The following AGBL4 variants were observed in gnomAD, a reference collection of about 807,000 sequenced individuals.
AGBL4 encodes the protein cytosolic carboxypeptidase 6.
Under a neutral mutation model 66.4 loss-of-function variants are expected in AGBL4, and 58 were observed. That is an observed-to-expected ratio of 0.87 (90% CI 0.71 to 1.09). The LOEUF is 1.09. AGBL4 is among the 50% of genes least tolerant of loss of function. The pLI, the probability that AGBL4 is intolerant of heterozygous loss-of-function variation, is 0.00. For synonymous variants in AGBL4, 234 were observed against 222.9 expected (o/e 1.05, Z -0.44); for missense variants, 579 against 631.0 (o/e 0.92, Z 0.88).
rs190260792 is a variant in AGBL4 at position 48,887,425 on chromosome 1, G to A, written c.595-20195C>T. 2.2e-4 allele frequency among the ~76,000 whole-genome samples: 33 copies of A among 152,192 alleles called. 1 individual carries two copies. The East Asian group carries it at 5.0e-3, about 23-fold the overall frequency. ...AGGCTCAGTGCAGTTTATTCCCACC[G>A]AAGAGGCAAGCACATGACAGGTAAG... On this transcript the variant is annotated intron_variant, in intron 5 of 13. Transcript: ENST00000371839.
intron 1 of AGBL4, chr1:49,995,185 T>G (rs553566102): frequency 2.0e-4 from 92 of 456,094 alleles, no homozygotes; most frequent in African/African-American, 1.8e-3. Context: ...GCACAGAAAC[T>G]GGGGCAGGTG....
intron 5 of AGBL4, among the ~76,000 whole-genome samples, chr1:48,995,840 C>G: frequency 6.6e-6 from 1 of 152,094 alleles, no homozygotes; most frequent in East Asian, 1.9e-4. Context: ...TGATAAGAAC[C>G]TTATTTGAAT....
At chr1:49,400,226 T>C (rs1645055621) in intron 3 of AGBL4, among the ~76,000 whole-genome samples, 1 of 152,180 alleles carries the variant, frequency 6.6e-6, no homozygotes, top group South Asian at 2.1e-4. Context: ...CTCTATTATG[T>C]TCCACTGGTC....
In AGBL4 at chr1:48,893,212, G is replaced by A. The variant is rs565766314; in HGVS notation, c.595-25982C>T. 6.0e-4 allele frequency among the ~76,000 whole-genome samples: 91 copies of A among 152,236 alleles called. 2 individuals carry two copies. The East Asian group carries it at 0.017, about 29-fold the overall frequency. ...ACAGAGGAGCTGGAGGTAGAGGAGA[G>A]AATCTACCAACCTAAAATGTACCCA... On this transcript the variant is annotated intron_variant, in intron 5 of 13. Coordinates refer to ENST00000371839, the MANE Select transcript of AGBL4 (RefSeq NM_032785.4).
intron 4 of AGBL4, among the ~76,000 whole-genome samples, chr1:49,109,615 TTAGAG>T (rs1479031020): frequency 6.6e-6 from 1 of 152,212 alleles, no homozygotes; most frequent in South Asian, 2.1e-4. Flanking sequence ...ACAAGCATTA[TTAGAG>T]TATTTTTTAC....
intron 4 of AGBL4, among the ~76,000 whole-genome samples, chr1:49,167,664 T>A (rs1403856545): frequency 1.3e-5 from 2 of 152,222 alleles, no homozygotes; most frequent in African/African-American, 4.8e-5. Flanking sequence ...TAAATCATTG[T>A]ATTCTAGGAA....
intron 2 of AGBL4, among the ~76,000 whole-genome samples, chr1:49,714,030 A>C (rs1240338340): frequency 6.6e-6 from 1 of 152,078 alleles, no homozygotes; most frequent in Non-Finnish European, 1.5e-5. Context: ...TTGCCAAATT[A>C]ACTTAATATA....
chr1:48,680,742 A>G (rs1255303775), intron 6 of AGBL4, among the ~76,000 whole-genome samples: 1 of 152,158 alleles, frequency 6.6e-6, no homozygotes, highest in Non-Finnish European at 1.5e-5. Flanking sequence ...ATGTTCGGAG[A>G]CTGTGGTGAG....
At chr1:49,803,377 TC>T (rs1379313208) in intron 2 of AGBL4, among the ~76,000 whole-genome samples, 29 of 152,190 alleles carry the variant, frequency 1.9e-4, no homozygotes, top group African/African-American at 7.0e-4. Context: ...TCTACTTTTG[TC>T]TCTACTGCTT....
At chr1:48,639,603 T>A (rs1645722661) in intron 8 of AGBL4, among the ~76,000 whole-genome samples, 1 of 152,146 alleles carries the variant, frequency 6.6e-6, no homozygotes, top group African/African-American at 2.4e-5. Context: ...AACAAAATAT[T>A]CGAGGAAAAG....
At chr1:48,778,909 C>G (rs12756339) in intron 6 of AGBL4, among the ~76,000 whole-genome samples, 5 of 152,088 alleles carry the variant, frequency 3.3e-5, no homozygotes, top group Non-Finnish European at 1.5e-5. Context: ...TTATGTGGTA[C>G]AGCCAAAAAT....
intron 5 of AGBL4, among the ~76,000 whole-genome samples, chr1:48,901,638 C>T (rs1652091283): frequency 2.0e-5 from 3 of 151,974 alleles, no homozygotes; most frequent in Admixed American, 2.0e-4. Context: ...TTGTATAATT[C>T]CATTTTTATA....
At chr1:48,892,729 G>C (rs1651093123) in intron 5 of AGBL4, among the ~76,000 whole-genome samples, 1 of 152,190 alleles carries the variant, frequency 6.6e-6, no homozygotes, top group Admixed American at 6.5e-5. Context: ...ACTTTGAATA[G>C]AATGGGAGGC....
At chr1:48,682,925 A>G (rs1646477138) in intron 6 of AGBL4, among the ~76,000 whole-genome samples, 1 of 152,190 alleles carries the variant, frequency 6.6e-6, no homozygotes, top group Non-Finnish European at 1.5e-5. Flanking sequence ...ACAAGGTTTG[A>G]GAAAATATAA....
chr1:49,354,925 G>C (rs1309971541), intron 3 of AGBL4, among the ~76,000 whole-genome samples: 1 of 152,152 alleles, frequency 6.6e-6, no homozygotes, highest in Non-Finnish European at 1.5e-5. Context: ...AGGGTATAAG[G>C]TGGAAACCAA....
At chr1:49,615,876 A>G (rs1645240748) in intron 3 of AGBL4, among the ~76,000 whole-genome samples, 1 of 152,094 alleles carries the variant, frequency 6.6e-6, no homozygotes, top group Non-Finnish European at 1.5e-5. Flanking sequence ...CCTGATCTCA[A>G]ATCTTCAATG....
chr1:49,281,629 A>G (rs1158285910), intron 3 of AGBL4, among the ~76,000 whole-genome samples: 1 of 152,254 alleles, frequency 6.6e-6, no homozygotes, highest in Non-Finnish European at 1.5e-5. Context: ...GATTTATAAT[A>G]AATACATATT....
intron 5 of AGBL4, among the ~76,000 whole-genome samples, chr1:48,994,757 A>C (rs1267591659): frequency 6.6e-6 from 1 of 152,118 alleles, no homozygotes; most frequent in Non-Finnish European, 1.5e-5. Flanking sequence ...CATATGGTTT[A>C]TATATATATT....
In AGBL4 at chr1:49,155,284, C is replaced by T. The variant is rs551184240; in HGVS notation, c.377+90486G>A. ...TTCAAGGTCACAGAGCCAAAATGTG[C>T]ATCCAACCCTAAAACCCAAGCTCTT... On this transcript the variant is annotated intron_variant, in intron 4 of 13. Coordinates refer to ENST00000371839, the MANE Select transcript of AGBL4 (RefSeq NM_032785.4). 4.6e-5 allele frequency among the ~76,000 whole-genome samples: 7 copies of T among 152,234 alleles called. No homozygotes were observed. The East Asian group carries it at 9.7e-4, about 21-fold the overall frequency.
Sources: gnomAD v4.1 joint callset for allele counts (sites outside exome capture counted in the v4.1 genomes callset) on GRCh38, gnomAD v4.1.1 for gene constraint, MANE v1.5 for transcripts, NCBI Gene and HGNC (gene_info 2026-07-23, HGNC 2026-07-21) for gene names.